Variants in PARN observed in about 807,000 individuals in gnomAD.
PARN encodes the protein poly(A)-specific ribonuclease PARN.
A neutral mutation model predicts 102.8 loss-of-function variants in PARN; 71 were observed. The ratio of observed to expected loss-of-function variants is 0.69; its 90% CI spans 0.57 to 0.84. The LOEUF (loss-of-function observed/expected upper bound fraction) is 0.84, where lower values mean the gene tolerates loss of function less well. Ranked by LOEUF, PARN falls within the 40% of genes least tolerant of loss-of-function variation. The pLI is 0.00. For missense variants in PARN, 782 were observed against 760.9 expected (o/e 1.03, Z -0.33); for synonymous variants, 261 against 252.9 (o/e 1.03, Z -0.30).
intron 21 of PARN, among the ~76,000 whole-genome samples, chr16:14,551,779 T>C (rs1025366724): frequency 2.0e-5 from 3 of 152,190 alleles, no homozygotes; most frequent in Non-Finnish European, 4.4e-5. Flanking sequence ...AGGAACAGAA[T>C]GGAGGTAAAT....
intron 6 of PARN, among the ~76,000 whole-genome samples, chr16:14,616,621 G>A (rs1052202542): frequency 5.9e-5 from 9 of 152,146 alleles, no homozygotes; most frequent in Admixed American, 3.9e-4. Context: ...GTGCACAGCT[G>A]TAGTTCCAGC....
intron 12 of PARN, among the ~76,000 whole-genome samples, chr16:14,595,652 C>A (rs1970459712): frequency 6.6e-6 from 1 of 152,128 alleles, no homozygotes; most frequent in African/African-American, 2.4e-5. Flanking sequence ...CCTGCCTCAG[C>A]CTCCTGAGTA....
chr16:14,524,839 T>C (rs1424892050), intron 21 of PARN, among the ~76,000 whole-genome samples: 4 of 152,226 alleles, frequency 2.6e-5, no homozygotes, highest in Non-Finnish European at 4.4e-5. Context: ...AATCTTTCTA[T>C]TACCAGGCAA....
At chr16:14,612,591 A>AT (rs888279538) in intron 6 of PARN, among the ~76,000 whole-genome samples, 6 of 150,314 alleles carry the variant, frequency 4.0e-5, no homozygotes, top group East Asian at 2.0e-4. Context: ...TGGACATACT[A>AT]TTTTTTTTTC....
chr16:14,469,243 G>C (rs1042269901), intron 22 of PARN, among the ~76,000 whole-genome samples: 1 of 152,092 alleles, frequency 6.6e-6, no homozygotes, highest in African/African-American at 2.4e-5. Context: ...GTTGCCATGA[G>C]CCAAGATCGC....
intron 6 of PARN, among the ~76,000 whole-genome samples, chr16:14,616,286 G>A (rs4782155): frequency 6.6e-6 from 1 of 152,172 alleles, no homozygotes. Context: ...CCCTGATGTA[G>A]AAGAGAAATC....
intron 22 of PARN, among the ~76,000 whole-genome samples, chr16:14,474,552 A>G (rs1450440803): frequency 6.6e-6 from 1 of 152,202 alleles, no homozygotes; most frequent in African/African-American, 2.4e-5. Context: ...AAGCATTTGG[A>G]ATTTAAGAGC....
chr16:14,618,797 G>A (rs188475681), intron 5 of PARN, among the ~76,000 whole-genome samples: 1 of 152,220 alleles, frequency 6.6e-6, no homozygotes, highest in Non-Finnish European at 1.5e-5. Flanking sequence ...CCTGTCCCAG[G>A]TTCAAGTTTA....
intron 6 of PARN, among the ~76,000 whole-genome samples, chr16:14,612,443 T>C (rs987156038): frequency 6.7e-6 from 1 of 150,260 alleles, no homozygotes; most frequent in Non-Finnish European, 1.5e-5. Context: ...CAAAAAAAAA[T>C]AAAAATAAAA....
chr16:14,481,859 G>A (rs180710502), intron 22 of PARN, among the ~76,000 whole-genome samples: 2 of 152,164 alleles, frequency 1.3e-5, no homozygotes, highest in African/African-American at 4.8e-5. Flanking sequence ...AATGTTGCCA[G>A]CATTTATCTT....
intron 18 of PARN, among the ~76,000 whole-genome samples, chr16:14,574,332 G>A (rs896399690): frequency 1.3e-5 from 2 of 152,216 alleles, no homozygotes; most frequent in African/African-American, 4.8e-5. Context: ...CATTCAAGAG[G>A]TGACCTGAGT....
chr16:14,576,365 T>C (rs865921350), intron 18 of PARN: 3 of 152,176 alleles, frequency 2.0e-5, no homozygotes, highest in Non-Finnish European at 4.4e-5. Flanking sequence ...TTACTGAAGA[T>C]AGCCAAAAAA....
chr16:14,591,491 A>C (rs751148569), intron 13 of PARN, among the ~76,000 whole-genome samples: 29 of 152,194 alleles, frequency 1.9e-4, no homozygotes, highest in Non-Finnish European at 3.8e-4. Context: ...TTTGTAAATG[A>C]AGTTTTATTG....
intron 18 of PARN, among the ~76,000 whole-genome samples, chr16:14,560,845 C>T (rs1203463676): frequency 6.6e-6 from 1 of 152,206 alleles, no homozygotes; most frequent in African/African-American, 2.4e-5. Context: ...AAGCCACCCT[C>T]CAAACTTTTT....
At chr16:14,533,421 CGGAGAGGGAGAGGGAGAG>C (rs150202084) in intron 21 of PARN, among the ~76,000 whole-genome samples, 499 of 24,012 alleles carry the variant, frequency 0.021, 16 homozygotes, top group Middle Eastern at 0.04. Flanking sequence ...CGTGGGGAGA[CGGAGAGGGAGAGGGAGAG>C]GGAGAGGGAG....
At chr16:14,546,045 T>G (rs1157837260) in intron 21 of PARN, among the ~76,000 whole-genome samples, 1 of 151,668 alleles carries the variant, frequency 6.6e-6, no homozygotes, top group Non-Finnish European at 1.5e-5. Flanking sequence ...TTGAGAGAGA[T>G]CAACAAAATG....
intron 21 of PARN, among the ~76,000 whole-genome samples, chr16:14,534,057 C>T (rs1237108698): frequency 6.6e-6 from 1 of 151,826 alleles, no homozygotes; most frequent in South Asian, 2.1e-4. Context: ...CCCCATCTCT[C>T]CTAAAAATAC....
intron 21 of PARN, among the ~76,000 whole-genome samples, chr16:14,506,653 T>C (rs1474610156): frequency 1.3e-5 from 2 of 152,192 alleles, no homozygotes; most frequent in African/African-American, 2.4e-5. Flanking sequence ...AGAGCAAATA[T>C]GATAGAATGT....
chr16:14,504,225 T>C (rs1036289467), intron 21 of PARN, among the ~76,000 whole-genome samples: 5 of 152,200 alleles, frequency 3.3e-5, no homozygotes, highest in South Asian at 2.1e-4. Flanking sequence ...AGTAGGAGAA[T>C]AGTTAAATAA....
Sources: allele counts gnomAD v4.1 joint callset (sites outside exome capture counted in the v4.1 genomes callset), GRCh38; gene constraint gnomAD v4.1.1; transcripts MANE v1.5; gene names NCBI Gene and HGNC (gene_info 2026-07-23, HGNC 2026-07-21).